The following LRRTM4 variants were observed in gnomAD, a reference collection of about 807,000 sequenced individuals.
LRRTM4 encodes leucine rich repeat transmembrane neuronal 4.
Under a neutral mutation model 47.6 loss-of-function variants are expected in LRRTM4, and 25 were observed. The ratio of observed to expected loss-of-function variants is 0.53; its 90% confidence interval spans 0.38 to 0.73. The LOEUF is 0.73. Ranked by LOEUF, LRRTM4 falls within the 30% of genes least tolerant of loss-of-function variation. The probability of loss-of-function intolerance (pLI) is 0.00; values close to 1 mark genes in which losing one functional copy is unlikely to be tolerated. For missense variants in LRRTM4, 638 were observed against 713.4 expected (o/e 0.89, Z 1.20); for synonymous variants, 311 against 269.5 (o/e 1.15, Z -1.51).
intron 3 of LRRTM4, among the ~76,000 whole-genome samples, chr2:77,026,129 A>C (rs1355994649): frequency 1.3e-5 from 2 of 152,196 alleles, no homozygotes; most frequent in Non-Finnish European, 2.9e-5. Flanking sequence ...AAATGAAACC[A>C]GACCACATTC....
At chr2:77,457,516 G>C (rs1036636376) in intron 3 of LRRTM4, among the ~76,000 whole-genome samples, 1 of 151,752 alleles carries the variant, frequency 6.6e-6, no homozygotes, top group African/African-American at 2.4e-5. Context: ...ACAGCAGTCA[G>C]AATAATATTT....
At chr2:77,101,975 T>C (rs146823873) in intron 3 of LRRTM4, among the ~76,000 whole-genome samples, 10 of 152,344 alleles carry the variant, frequency 6.6e-5, no homozygotes, top group Admixed American at 1.3e-4. Flanking sequence ...TGGCATTCTC[T>C]TCCACTAAGA....
intron 3 of LRRTM4, among the ~76,000 whole-genome samples, chr2:76,860,936 C>T (rs930700924): frequency 2.6e-5 from 4 of 151,924 alleles, no homozygotes; most frequent in Non-Finnish European, 4.4e-5. Context: ...GTTAATATCT[C>T]ATAGTATGGA....
intron 3 of LRRTM4, among the ~76,000 whole-genome samples, chr2:76,797,760 G>C (rs1379503070): frequency 4.6e-5 from 7 of 150,710 alleles, no homozygotes; most frequent in African/African-American, 1.2e-4. Flanking sequence ...AAAATAAAAG[G>C]ATGGGGGAAG....
chr2:77,462,712 G>A (rs996767601), intron 3 of LRRTM4, among the ~76,000 whole-genome samples: 3 of 152,018 alleles, frequency 2.0e-5, no homozygotes, highest in African/African-American at 7.2e-5. Context: ...CCCAAGCAAA[G>A]GCTTTTAAAC....
intron 3 of LRRTM4, among the ~76,000 whole-genome samples, chr2:76,852,647 C>T (rs1283993829): frequency 2.6e-5 from 4 of 152,050 alleles, no homozygotes; most frequent in African/African-American, 9.7e-5. Context: ...ATTTATTAAT[C>T]TGTTCATACA....
At chr2:76,777,314 A>G (rs1156339976) in intron 3 of LRRTM4, among the ~76,000 whole-genome samples, 1 of 143,150 alleles carries the variant, frequency 7.0e-6, no homozygotes, top group Non-Finnish European at 1.5e-5. Context: ...TGGTAGCTTG[A>G]TGGGGATGGC....
intron 3 of LRRTM4, among the ~76,000 whole-genome samples, chr2:77,460,299 A>G (rs1042748442): frequency 1.3e-5 from 2 of 152,140 alleles, no homozygotes. Context: ...GCATTTTATT[A>G]TGTGTAGTGG....
intron 3 of LRRTM4, among the ~76,000 whole-genome samples, chr2:76,764,584 T>C (rs888186009): frequency 2.0e-5 from 3 of 152,114 alleles, no homozygotes; most frequent in African/African-American, 7.2e-5. Flanking sequence ...TGAGCCGTGA[T>C]AGAACTACTA....
chr2:77,390,522 A>T (rs549841181), intron 3 of LRRTM4, among the ~76,000 whole-genome samples: 6 of 152,042 alleles, frequency 3.9e-5, no homozygotes, highest in African/African-American at 1.4e-4. Flanking sequence ...GTAAATATGT[A>T]TATATGAAGA....
rs79514594 is a variant in LRRTM4 at position 77,293,507 on chromosome 2, G to T, written c.1551+224811C>A. Reference sequence around the variant, plus strand: ...TCTACTTTTTAAGACAAAAATATCCGGTATTATTATTGACATTCTCTTGAT... The same window carrying T: ...TCTACTTTTTAAGACAAAAATATCCTGTATTATTATTGACATTCTCTTGAT... On this transcript the variant is annotated intron_variant, in intron 3 of 3. Coordinates refer to ENST00000409884, the MANE Select transcript of LRRTM4 (RefSeq NM_001134745.3). 1.2e-3 allele frequency among the ~76,000 whole-genome samples: 181 copies of T among 151,990 alleles called. 1 individual carries two copies. Among genetic ancestry groups the T allele is most frequent in the African/African-American group, 4.1e-3 (172 of 41,448 alleles).
chr2:77,025,960 G>C (rs1678439322), intron 3 of LRRTM4, among the ~76,000 whole-genome samples: 1 of 152,134 alleles, frequency 6.6e-6, no homozygotes, highest in African/African-American at 2.4e-5. Flanking sequence ...AACAAGTCAT[G>C]GGACACGATT....
chr2:77,447,103 T>A (rs529671422), intron 3 of LRRTM4, among the ~76,000 whole-genome samples: 2 of 152,106 alleles, frequency 1.3e-5, no homozygotes, highest in Non-Finnish European at 2.9e-5. Context: ...ACAATGTGAA[T>A]GAACATATGT....
chr2:76,780,788 T>G (rs1440570123), intron 3 of LRRTM4, among the ~76,000 whole-genome samples: 1 of 152,104 alleles, frequency 6.6e-6, no homozygotes, highest in Non-Finnish European at 1.5e-5. Context: ...CCAGCTTTGT[T>G]CCGTTGCTGG....
chr2:77,054,609 C>T (rs996666913), intron 3 of LRRTM4, among the ~76,000 whole-genome samples: 1 of 152,150 alleles, frequency 6.6e-6, no homozygotes, highest in East Asian at 1.9e-4. Flanking sequence ...TAGATTATTT[C>T]TCATTAATTT....
intron 3 of LRRTM4, among the ~76,000 whole-genome samples, chr2:77,342,325 G>T (rs990408610): frequency 1.3e-5 from 2 of 151,878 alleles, no homozygotes; most frequent in African/African-American, 2.4e-5. Flanking sequence ...AACTGTGCAG[G>T]TCAGGAATTT....
intron 3 of LRRTM4, among the ~76,000 whole-genome samples, chr2:77,186,566 A>G (rs568589543): frequency 2.6e-5 from 4 of 152,342 alleles, no homozygotes; most frequent in Admixed American, 2.6e-4. Context: ...TTCTCAAAAA[A>G]TAAAAAATAA....
intron 3 of LRRTM4, among the ~76,000 whole-genome samples, chr2:76,914,862 GC>G: frequency 6.6e-6 from 1 of 152,194 alleles, no homozygotes; most frequent in African/African-American, 2.4e-5. Flanking sequence ...TTAATAAAGA[GC>G]AAAGGCTCTA....
At chr2:77,000,310 G>GAAA (rs3057996) in intron 3 of LRRTM4, among the ~76,000 whole-genome samples, 19,393 of 145,600 alleles carry the variant, frequency 0.13, 1,333 homozygotes, top group Admixed American at 0.2. Context: ...GGGATTTCTA[G>GAAA]AAAAAAAAAA....
Sources: allele counts gnomAD v4.1 joint callset (sites outside exome capture counted in the v4.1 genomes callset), GRCh38; gene constraint gnomAD v4.1.1; transcripts MANE v1.5; gene names NCBI Gene and HGNC (gene_info 2026-07-23, HGNC 2026-07-21).